Variants in ADARB1 observed in about 807,000 individuals in gnomAD.
ADARB1 encodes the protein adenosine deaminase RNA specific B1, also known as double-stranded RNA-specific editase 1.
ADARB1 carries 10 observed loss-of-function variants against 52.4 expected under a neutral mutation model. That is an observed-to-expected ratio of 0.19 (90% CI 0.12 to 0.32). ADARB1 has a LOEUF of 0.32. Ranked by LOEUF, ADARB1 falls within the 10% of genes least tolerant of loss-of-function variation. The probability of loss-of-function intolerance (pLI) is 1.00; values close to 1 mark genes in which losing one functional copy is unlikely to be tolerated. For missense variants in ADARB1, 643 were observed against 922.3 expected (o/e 0.70, Z 3.92); for synonymous variants, 349 against 371.1 (o/e 0.94, Z 0.68).
chr21:45,178,686 C>T (rs563665322), intron 4 of ADARB1, among the ~76,000 whole-genome samples: 22 of 152,124 alleles, frequency 1.4e-4, no homozygotes, highest in Non-Finnish European at 2.8e-4. Context: ...GTCAGTCATC[C>T]CTGCGTGTCA....
intron 1 of ADARB1, among the ~76,000 whole-genome samples, chr21:45,116,530 C>T (rs1203807231): frequency 1.3e-5 from 2 of 152,142 alleles, no homozygotes; most frequent in Non-Finnish European, 2.9e-5. Context: ...TTAGTGTGTT[C>T]TCATACTGCT....
chr21:45,175,761 C>G lies in ADARB1; in HGVS notation c.60C>G (p.Arg20=). 14 of 1,614,124 alleles carry G rather than the reference C, an allele frequency of 8.7e-6. No homozygotes were observed. The highest frequency in any genetic ancestry group is 1.2e-5 in the Non-Finnish European group (14 of 1,179,982). ...SSSSTDVKEN[R]NLDNVSPKDG... Reference sequence around the variant, plus strand: ...GCAGCACTGATGTGAAGGAAAACCGCAATCTGGACAACGTGTCCCCCAAGG... The same window carrying G: ...GCAGCACTGATGTGAAGGAAAACCGGAATCTGGACAACGTGTCCCCCAAGG... The change falls in exon 4 of 11, where the codon CGC becomes CGG. Residue 20 remains arginine, a synonymous_variant. Transcript: ENST00000348831.
chr21:45,130,687 C>G (rs574190489), intron 2 of ADARB1, among the ~76,000 whole-genome samples: 1 of 152,164 alleles, frequency 6.6e-6, no homozygotes, highest in African/African-American at 2.4e-5. Flanking sequence ...GCCTCCCTCC[C>G]GGGTCCTGCC....
chr21:45,169,873 C>T (rs745477992), intron 2 of ADARB1, among the ~76,000 whole-genome samples: 1 of 152,210 alleles, frequency 6.6e-6, no homozygotes, highest in Non-Finnish European at 1.5e-5. Context: ...GTCTGAAGCT[C>T]AGTTTGACGA....
At chr21:45,129,431 CAGATG>C (rs2088793941) in intron 2 of ADARB1, among the ~76,000 whole-genome samples, 1 of 152,180 alleles carries the variant, frequency 6.6e-6, no homozygotes, top group African/African-American at 2.4e-5. Context: ...TTCATGGGTT[CAGATG>C]AGATGAGGGG....
At chr21:45,182,918 C>T (rs2071873) in intron 6 of ADARB1, among the ~76,000 whole-genome samples, 165 bp downstream of exon 6, 59,153 of 152,030 alleles carry the variant, frequency 0.39, 11,852 homozygotes, top group Middle Eastern at 0.44. Flanking sequence ...CCACAATGCT[C>T]AACACACATA....
chr21:45,139,427 T>G (rs1278411072), intron 2 of ADARB1, among the ~76,000 whole-genome samples: 2 of 152,248 alleles, frequency 1.3e-5, no homozygotes, highest in Non-Finnish European at 2.9e-5. Flanking sequence ...TTGATTTTTT[T>G]GGTTCCGTTT....
rs764129367 is a variant in ADARB1, at chr21:45,176,303, G to C, written c.602G>C (p.Ser201Thr). 8.7e-6 allele frequency: 14 copies of C among 1,614,044 alleles called. No individual in the cohort carries two copies. In the African/African-American group the frequency reaches 9.3e-5, roughly 11 times the overall value. Residue 201 changes from serine to threonine, a missense_variant, in exon 4 of 11, where the codon AGT (serine) becomes ACT (threonine). Ser to Thr is a moderately conservative substitution (Grantham distance 58). This residue lies in a region of ADARB1 where 380 missense variants were observed against 446.5 expected (regional missense o/e 0.85). Transcript: ENST00000348831. This position sits in a 1 kb window ranked among gnomAD's most constrained non-coding sequence, Gnocchi z 5.8. ...GGCTCCAATGGGGATGACTCCTTCA[G>C]TTCCAGCGGGGACCTCAGCTTGTCT... is the stretch of plus-strand genomic sequence containing the variant. ...YVGSNGDDSF[S>T]SSGDLSLSAS...
At chr21:45,127,948 G>A (rs2088693918) in intron 1 of ADARB1, among the ~76,000 whole-genome samples, 1 of 152,232 alleles carries the variant, frequency 6.6e-6, no homozygotes. Context: ...CTCTGCTTCA[G>A]AAGCAGAGGT....
chr21:45,187,396 T>A (rs1018919795), intron 8 of ADARB1, among the ~76,000 whole-genome samples: 4 of 152,342 alleles, frequency 2.6e-5, no homozygotes, highest in Non-Finnish European at 5.9e-5. Flanking sequence ...TGTTTATTAT[T>A]TAAACAGTTT....
Position 45,222,838 on chromosome 21 carries a change from T to C in ADARB1, c.*641T>C. ...AGCAGACTCCCAGCATGGTGTAGCG[T>C]GGCCCTGTCATGCACATGGGGTCCC... On this transcript the variant is annotated 3_prime_UTR_variant, in exon 11 of 11. Coordinates refer to ENST00000348831, the MANE Select transcript of ADARB1 (RefSeq NM_001112.4). The C allele has an allele frequency of 1.0e-6, 1 of 985,494 alleles. No homozygotes were observed. The highest frequency in any genetic ancestry group is 1.2e-6 in the Non-Finnish European group (1 of 829,996). 61.0% of individuals were successfully genotyped at this position (985,494 alleles called of 1,614,324 possible).
intron 1 of ADARB1, among the ~76,000 whole-genome samples, chr21:45,091,802 C>T (rs2086570287): frequency 6.6e-6 from 1 of 152,192 alleles, no homozygotes; most frequent in African/African-American, 2.4e-5. Flanking sequence ...AGCTGGAAGA[C>T]TCCAGATCGA....
intron 9 of ADARB1, among the ~76,000 whole-genome samples, chr21:45,207,011 AG>A (rs943339772): frequency 5.3e-5 from 8 of 152,346 alleles, no homozygotes; most frequent in African/African-American, 1.9e-4. Flanking sequence ...CCCCTGCGTC[AG>A]CTCTGCCTCC....
At chr21:45,119,121 G>A (rs777821900) in intron 1 of ADARB1, among the ~76,000 whole-genome samples, 40 of 152,194 alleles carry the variant, frequency 2.6e-4, no homozygotes, top group Non-Finnish European at 5.1e-4. Context: ...GCAGGGTCTC[G>A]CTCTGTCACC....
At chr21:45,095,317 C>T (rs1270691879) in intron 1 of ADARB1, among the ~76,000 whole-genome samples, 2 of 152,264 alleles carry the variant, frequency 1.3e-5, no homozygotes, top group Non-Finnish European at 2.9e-5. Context: ...TGAGCTCTGA[C>T]ACAGTGCAGC....
intron 8 of ADARB1, among the ~76,000 whole-genome samples, chr21:45,189,985 T>C (rs958229648): frequency 1.3e-5 from 2 of 152,206 alleles, no homozygotes; most frequent in East Asian, 3.8e-4. Flanking sequence ...TCCATTTTTT[T>C]CCACAGATTT....
intron 1 of ADARB1, among the ~76,000 whole-genome samples, chr21:45,076,983 A>C (rs1307306407): frequency 6.6e-6 from 1 of 152,246 alleles, no homozygotes; most frequent in Non-Finnish European, 1.5e-5. Flanking sequence ...AGAAAGGTAA[A>C]GCCTCATTCC....
At chr21:45,098,332 C>T (rs1287937170) in intron 1 of ADARB1, among the ~76,000 whole-genome samples, 1 of 152,192 alleles carries the variant, frequency 6.6e-6, no homozygotes, top group African/African-American at 2.4e-5. Flanking sequence ...TCCCTTGGAC[C>T]ACTCTCCCCG....
At chr21:45,153,905 A>G (rs1325206254) in intron 2 of ADARB1, among the ~76,000 whole-genome samples, 1 of 152,218 alleles carries the variant, frequency 6.6e-6, no homozygotes, top group Non-Finnish European at 1.5e-5. Context: ...TTGGAAATTG[A>G]GATGTCACTA....
Sources: gnomAD v4.1 joint callset for allele counts (sites outside exome capture counted in the v4.1 genomes callset) on GRCh38, gnomAD v4.1.1 for gene constraint, gnomAD v4.1.1 regional missense constraint, Gnocchi (gnomAD v3.1) non-coding constraint, MANE v1.5 for transcripts, NCBI Gene and HGNC (gene_info 2026-07-23, HGNC 2026-07-21) for gene names.